PCDH15: variants seen among roughly 807,000 people sequenced by gnomAD.
PCDH15 encodes protocadherin related 15, also known as protocadherin-15.
A neutral mutation model predicts 178.5 loss-of-function variants in PCDH15; 129 were observed. The ratio of observed to expected loss-of-function variants is 0.72; its 90% CI spans 0.63 to 0.84. The LOEUF (loss-of-function observed/expected upper bound fraction) is 0.84, where lower values mean the gene tolerates loss of function less well. Among genes scored for constraint, PCDH15 ranks in the 40% least tolerant of loss-of-function variants. PCDH15 has a pLI of 0.00. For missense variants in PCDH15, 2,230 were observed against 2,099.9 expected (o/e 1.06, Z -1.21); for synonymous variants, 800 against 732.0 (o/e 1.09, Z -1.50).
At chr10:55,026,021 A>T (rs972762986) in intron 2 of PCDH15, among the ~76,000 whole-genome samples, 1 of 152,046 alleles carries the variant, frequency 6.6e-6, no homozygotes, top group Admixed American at 6.6e-5. Flanking sequence ...TGAAGTTTTG[A>T]CAAAAAATAT....
chr10:54,491,412 T>C (rs180958067), intron 3 of PCDH15, among the ~76,000 whole-genome samples: 37 of 151,688 alleles, frequency 2.4e-4, no homozygotes, highest in Non-Finnish European at 5.2e-4. Context: ...AATGTAAAGA[T>C]AGCTTTTTCA....
At chr10:54,663,215 C>T (rs1373312217) in intron 2 of PCDH15, among the ~76,000 whole-genome samples, 2 of 151,728 alleles carry the variant, frequency 1.3e-5, no homozygotes, top group African/African-American at 4.8e-5. Context: ...TCAGTTTAGC[C>T]AAGCAAAGCA....
intron 1 of PCDH15, among the ~76,000 whole-genome samples, chr10:55,257,139 C>A (rs1007036147): frequency 1.3e-5 from 2 of 152,180 alleles, no homozygotes; most frequent in African/African-American, 4.8e-5. Context: ...CTCCAGCAAA[C>A]TCCAACAGAC....
At chr10:55,492,118 A>T (rs1344353931) in intron 2 of PCDH15, among the ~76,000 whole-genome samples, 1 of 151,796 alleles carries the variant, frequency 6.6e-6, no homozygotes, top group Non-Finnish European at 1.5e-5. Context: ...AGCAGTAATT[A>T]TTGGCTGCCT....
intron 1 of PCDH15, among the ~76,000 whole-genome samples, chr10:55,168,908 T>C (rs1325967589): frequency 6.6e-6 from 1 of 152,064 alleles, no homozygotes; most frequent in Non-Finnish European, 1.5e-5. Context: ...ATAAATTAGA[T>C]CTTAAATAGA....
At chr10:54,349,764 C>T (rs556912384) in intron 5 of PCDH15, among the ~76,000 whole-genome samples, 1 of 152,144 alleles carries the variant, frequency 6.6e-6, no homozygotes, top group African/African-American at 2.4e-5. Flanking sequence ...ATGAAGCCTA[C>T]CAAAGATTGA....
Position 54,195,822 on chromosome 10 carries a change from T to C in PCDH15, c.1166A>G (p.Asn389Ser), listed in dbSNP as rs780664336. 1 of 1,614,002 alleles carries C rather than the reference T, an allele frequency of 6.2e-7. No homozygotes were observed. Among genetic ancestry groups the C allele is most frequent in the Non-Finnish European group, 8.5e-7 (1 of 1,179,926 alleles). ...AGLHIEILDENNQSPYFTMPS... is the reference protein window; with the variant it reads ...AGLHIEILDESNQSPYFTMPS... ...CATTGTAAAATATGGACTTTGATTG[T>C]TTTCATCCAGTATTTCAATGTGTAG... The change falls in exon 11 of 38, where the codon AAC becomes AGC. Residue 389 changes from asparagine to serine, a missense_variant. Physicochemically the swap from Asn to Ser is conservative, Grantham distance 46. Transcript: ENST00000644397.
At chr10:54,096,881 T>G (rs2136113111) in intron 15 of PCDH15, among the ~76,000 whole-genome samples, 1 of 152,352 alleles carries the variant, frequency 6.6e-6, no homozygotes, top group African/African-American at 2.4e-5. Flanking sequence ...ATTGAATTAC[T>G]CTTTCTCTAA....
At chr10:55,496,297 C>A (rs549969845) in intron 2 of PCDH15, among the ~76,000 whole-genome samples, 9 of 151,844 alleles carry the variant, frequency 5.9e-5, no homozygotes. Flanking sequence ...AGCACAAATG[C>A]GTGTGCGTGC....
chr10:55,234,675 C>T (rs1242641954), intron 1 of PCDH15, among the ~76,000 whole-genome samples: 1 of 152,014 alleles, frequency 6.6e-6, no homozygotes, highest in East Asian at 1.9e-4. Flanking sequence ...GCCACCATGC[C>T]TAGCCAAGAT....
At chr10:54,821,133 G>A (rs1052513946) in intron 3 of PCDH15, among the ~76,000 whole-genome samples, 1 of 151,952 alleles carries the variant, frequency 6.6e-6, no homozygotes, top group African/African-American at 2.4e-5. Flanking sequence ...ATGCTTTCCA[G>A]TTGAGGAAAT....
At chr10:55,401,155 C>T (rs967610714) in intron 2 of PCDH15, among the ~76,000 whole-genome samples, 1 of 151,998 alleles carries the variant, frequency 6.6e-6, no homozygotes, top group Non-Finnish European at 1.5e-5. Flanking sequence ...AATTGATTCA[C>T]AAACTAGCTT....
intron 1 of PCDH15, among the ~76,000 whole-genome samples, chr10:54,679,403 A>G (rs949579197): frequency 2.0e-5 from 3 of 152,184 alleles, no homozygotes; most frequent in African/African-American, 7.2e-5. Flanking sequence ...CATGTTAATT[A>G]AAGGGAGAAA....
At chr10:54,713,805 C>T (rs893400679) in intron 1 of PCDH15, among the ~76,000 whole-genome samples, 16 of 152,054 alleles carry the variant, frequency 1.1e-4, no homozygotes, top group Non-Finnish European at 2.4e-4. Context: ...TTTCCCTAGA[C>T]CTGAAAAGGC....
At chr10:55,436,108 T>G (rs2132062739) in intron 2 of PCDH15, among the ~76,000 whole-genome samples, 1 of 152,208 alleles carries the variant, frequency 6.6e-6, no homozygotes, top group African/African-American at 2.4e-5. Context: ...AATTCTTAAT[T>G]ATGGAAATTA....
At chr10:55,103,196 G>T (rs1361947435) in intron 2 of PCDH15, among the ~76,000 whole-genome samples, 1 of 151,032 alleles carries the variant, frequency 6.6e-6, no homozygotes, top group African/African-American at 2.4e-5. Context: ...TTCAGCGCCA[G>T]TGATATCATG....
intron 8 of PCDH15, among the ~76,000 whole-genome samples, chr10:54,266,125 G>T (rs1308814874): frequency 1.4e-5 from 2 of 146,692 alleles, no homozygotes; most frequent in East Asian, 1.9e-4. Flanking sequence ...ATAGCAAGAG[G>T]AACTCTAAAA....
At chr10:55,621,618 C>G (rs1433207000) in intron 2 of PCDH15, among the ~76,000 whole-genome samples, 1 of 152,126 alleles carries the variant, frequency 6.6e-6, no homozygotes. Flanking sequence ...GTTGCACACT[C>G]CTTATGAGAA....
chr10:54,853,316 T>TATAC lies in PCDH15; in HGVS notation c.-29+44130_-29+44133dup, dbSNP rs1554806803. Among the ~76,000 whole-genome samples the TATAC allele has an allele frequency of 1.2e-3, 143 of 115,124 alleles. 2 individuals are homozygous for TATAC. Among genetic ancestry groups the TATAC allele is most frequent in the African/African-American group, 5.0e-3 (139 of 27,622 alleles). 75.5% of individuals were successfully genotyped at this position (115,124 alleles called of 152,430 possible). On this transcript the variant is annotated intron_variant, in intron 3 of 5. Coordinates refer to the PCDH15 transcript ENST00000458638. ...ATATATATATATATATATATATATA[T>TATAC]ATACATACACACACATATACATATA... is the stretch of plus-strand genomic sequence containing the variant.
Sources: gnomAD v4.1 joint callset for allele counts (sites outside exome capture counted in the v4.1 genomes callset) on GRCh38, gnomAD v4.1.1 for gene constraint, MANE v1.5 for transcripts, NCBI Gene and HGNC (gene_info 2026-07-23, HGNC 2026-07-21) for gene names.